Variants in ENTREP2 observed in about 807,000 individuals in gnomAD.
ENTREP2 encodes endosomal transmembrane epsin interactor 2.
chr15:29,669,408 C>T, the ENTREP2 span, among the ~76,000 whole-genome samples: 3 of 152,080 alleles, frequency 2.0e-5, no homozygotes, highest in African/African-American at 4.8e-5. Flanking sequence ...ATGTGATGCC[C>T]GGCACCACCT....
the ENTREP2 span, among the ~76,000 whole-genome samples, chr15:29,156,771 A>G: frequency 6.6e-6 from 1 of 152,168 alleles, no homozygotes; most frequent in Non-Finnish European, 1.5e-5. Flanking sequence ...TGGTGAGTGG[A>G]AACATGAGAT....
At chr15:29,219,546 T>C in the ENTREP2 span, among the ~76,000 whole-genome samples, 3 of 137,756 alleles carry the variant, frequency 2.2e-5, no homozygotes, top group Non-Finnish European at 3.2e-5. Context: ...CAGTTCGCAA[T>C]TGCAAAACTG....
At chr15:29,345,933 A>C in the ENTREP2 span, among the ~76,000 whole-genome samples, 1 of 152,092 alleles carries the variant, frequency 6.6e-6, no homozygotes, top group Admixed American at 6.5e-5. Context: ...CAACCTAAGC[A>C]CCTTATTATT....
chr15:29,578,373 T>C, the ENTREP2 span, among the ~76,000 whole-genome samples: 1 of 152,188 alleles, frequency 6.6e-6, no homozygotes, highest in Non-Finnish European at 1.5e-5. Context: ...TGTGCACCAG[T>C]GTCCTGGAGC....
At chr15:29,257,075 T>C in the ENTREP2 span, among the ~76,000 whole-genome samples, 2 of 148,800 alleles carry the variant, frequency 1.3e-5, no homozygotes, top group African/African-American at 5.1e-5. Flanking sequence ...TATTTATTTA[T>C]TTATTTATTT....
the ENTREP2 span, among the ~76,000 whole-genome samples, chr15:29,479,257 T>G: frequency 6.7e-6 from 1 of 150,168 alleles, no homozygotes. Flanking sequence ...CCCCCGCTCC[T>G]GCTCTCCCCA....
chr15:29,497,854 T>C, the ENTREP2 span, among the ~76,000 whole-genome samples: 2 of 152,206 alleles, frequency 1.3e-5, no homozygotes, highest in African/African-American at 2.4e-5. Flanking sequence ...TTTCTCAATA[T>C]GTAATGATAG....
the ENTREP2 span, among the ~76,000 whole-genome samples, chr15:29,631,086 T>C: frequency 6.6e-6 from 1 of 152,262 alleles, no homozygotes; most frequent in African/African-American, 2.4e-5. Context: ...TCAGTTCCTG[T>C]ATTTTTAGTT....
At chr15:29,167,385 C>T in the ENTREP2 span, among the ~76,000 whole-genome samples, 1 of 152,016 alleles carries the variant, frequency 6.6e-6, no homozygotes, top group Admixed American at 6.5e-5. Flanking sequence ...AACAGACAAT[C>T]CACAGAGTGG....
chr15:29,259,739 G>A, the ENTREP2 span, among the ~76,000 whole-genome samples: 16 of 152,044 alleles, frequency 1.1e-4, no homozygotes, highest in African/African-American at 3.6e-4. Flanking sequence ...CACTTCAGGA[G>A]GCCAAGGCAG....
the ENTREP2 span, among the ~76,000 whole-genome samples, chr15:29,202,528 T>TTATA: frequency 6.6e-6 from 1 of 152,292 alleles, no homozygotes; most frequent in South Asian, 2.1e-4. Flanking sequence ...TACAGGTTTG[T>TTATA]TACATAGGTA....
the ENTREP2 span, among the ~76,000 whole-genome samples, chr15:29,611,959 G>C: frequency 6.6e-6 from 1 of 152,130 alleles, no homozygotes; most frequent in South Asian, 2.1e-4. Flanking sequence ...GATGACTTCT[G>C]TTCTCTAATT....
At chr15:29,411,152 G>A in the ENTREP2 span, among the ~76,000 whole-genome samples, 1 of 152,146 alleles carries the variant, frequency 6.6e-6, no homozygotes, top group African/African-American at 2.4e-5. Flanking sequence ...TTGCTATCAT[G>A]TACTATTCGT....
chr15:29,253,545 C>T, the ENTREP2 span, among the ~76,000 whole-genome samples: 1,717 of 150,606 alleles, frequency 0.011, 33 homozygotes, highest in African/African-American at 0.039. Flanking sequence ...CGGGTTCAAG[C>T]GATTATCTTG....
At chr15:29,176,450 G>C in the ENTREP2 span, among the ~76,000 whole-genome samples, 1 of 152,212 alleles carries the variant, frequency 6.6e-6, no homozygotes, top group Non-Finnish European at 1.5e-5. Flanking sequence ...TTAAGAGAGG[G>C]GAGGTCAGTA....
chr15:29,522,695 G>A, the ENTREP2 span, among the ~76,000 whole-genome samples: 1 of 152,108 alleles, frequency 6.6e-6, no homozygotes, highest in Non-Finnish European at 1.5e-5. Context: ...AAACATGGCT[G>A]GAGCTCCTTC....
the ENTREP2 span, chr15:29,268,817 G>C: frequency 4.3e-6 from 7 of 1,612,188 alleles, no homozygotes; most frequent in Non-Finnish European, 5.9e-6. Context: ...GGGCCACTAG[G>C]CTGAGGTCTG....
the ENTREP2 span, among the ~76,000 whole-genome samples, chr15:29,646,083 A>G: frequency 6.6e-6 from 1 of 152,252 alleles, no homozygotes; most frequent in African/African-American, 2.4e-5. Flanking sequence ...TCTTGCTGGC[A>G]TAATTCCAAA....
chr15:29,391,795 C>A, the ENTREP2 span, among the ~76,000 whole-genome samples: 1 of 151,952 alleles, frequency 6.6e-6, no homozygotes, highest in Non-Finnish European at 1.5e-5. Flanking sequence ...AATTTGTTTC[C>A]TTTGTAATAG....
Sources: allele counts gnomAD v4.1 joint callset (sites outside exome capture counted in the v4.1 genomes callset), GRCh38; gene constraint gnomAD v4.1.1; transcripts MANE v1.5; gene names NCBI Gene and HGNC (gene_info 2026-07-23, HGNC 2026-07-21).